The following RNF114 variants were observed in gnomAD, a reference collection of about 807,000 sequenced individuals.
RNF114 encodes ring finger protein 114.
In RNF114, 6 loss-of-function variants were observed where a neutral mutation model predicts 28.4. That is an observed-to-expected ratio of 0.21 (90% CI 0.12 to 0.42). RNF114 has a LOEUF of 0.42. Ranked by LOEUF, RNF114 falls within the 10% of genes least tolerant of loss-of-function variation. The probability of loss-of-function intolerance (pLI) is 1.00; values close to 1 mark genes in which losing one functional copy is unlikely to be tolerated. For missense variants in RNF114, 249 were observed against 311.7 expected, an observed-to-expected ratio of 0.80 and a Z score of 1.51; for synonymous variants, 115 against 116.7, an observed-to-expected ratio of 0.99 and a Z score of 0.09.
chr20:49,943,898 A>ATATATATG, intron 2 of RNF114: 1 of 142,752 alleles, frequency 7.0e-6, no homozygotes, highest in African/African-American at 2.6e-5. Context: ...ATATATATAT[A>ATATATATG]TTTGTATTTT....
Position 49,952,058 on chromosome 20 carries a change from G to A in RNF114, c.622-18G>A. On this transcript the variant is annotated intron_variant, in intron 5 of 5. Transcript: ENST00000244061. Reference sequence around the variant, plus strand: ...CTAGAAACAGTTGCTGAGGCTGCATGTCTCTTTTTGCCCTTAGGATTATGA... The same window carrying A: ...CTAGAAACAGTTGCTGAGGCTGCATATCTCTTTTTGCCCTTAGGATTATGA... 1 of 1,607,048 alleles carries A rather than the reference G, an allele frequency of 6.2e-7. No individual in the cohort carries two copies. Among genetic ancestry groups the A allele is most frequent in the Non-Finnish European group, 8.5e-7 (1 of 1,173,970 alleles).
intron 4 of RNF114, among the ~76,000 whole-genome samples, chr20:49,947,809 T>TTTTTTTTG (rs2090339739): frequency 1.0e-5 from 1 of 100,162 alleles, no homozygotes; most frequent in East Asian, 3.4e-4. Context: ...TTTTTTTTTT[T>TTTTTTTTG]GAGGCGGAGT....
intron 1 of RNF114, among the ~76,000 whole-genome samples, chr20:49,938,195 T>C (rs1434161530): frequency 6.6e-6 from 1 of 152,204 alleles, no homozygotes; most frequent in African/African-American, 2.4e-5. Context: ...CTATTAACAT[T>C]TGTAAAAAGG....
chr20:49,945,186 A>G, intron 2 of RNF114, 196 bp from the exon 3 acceptor site: 1 of 515,936 alleles, frequency 1.9e-6, no homozygotes, highest in Non-Finnish European at 3.5e-6. Flanking sequence ...ATTTAGTCGA[A>G]TAAAATAGCA....
intron 4 of RNF114, among the ~76,000 whole-genome samples, chr20:49,948,901 C>G (rs2090345385): frequency 6.6e-6 from 1 of 152,186 alleles, no homozygotes; most frequent in Non-Finnish European, 1.5e-5. Context: ...GGACATTGCT[C>G]ATCGGCTTAT....
Position 49,936,402 on chromosome 20 carries a change from G to A in RNF114, c.-11G>A. The A allele has an allele frequency of 6.7e-7, 1 of 1,497,898 alleles. No individual in the cohort carries two copies. The highest frequency in any genetic ancestry group is 8.9e-7 in the Non-Finnish European group (1 of 1,123,072). 92.8% of individuals were successfully genotyped at this position (1,497,898 alleles called of 1,614,324 possible). ...ATCGGCCGCCGTTGCGCGGCGCAGA[G>A]CGGCAGCAAGATGGCGGCGCAACAG... On this transcript the variant is annotated 5_prime_UTR_variant, in exon 1 of 6. Coordinates refer to ENST00000244061, the MANE Select transcript of RNF114 (RefSeq NM_018683.4).
In RNF114 at chr20:49,936,432, A is replaced by G. The variant is rs926602857; in HGVS notation, c.20A>G (p.Asp7Gly). 2 of 1,530,692 alleles carry G rather than the reference A, an allele frequency of 1.3e-6. No individual in the cohort carries two copies. Among genetic ancestry groups the G allele is most frequent in the African/African-American group, 1.4e-5 (1 of 70,510 alleles). 94.8% of individuals were successfully genotyped at this position (1,530,692 alleles called of 1,614,324 possible). The change falls in exon 1 of 6, where the codon GAC (aspartate) becomes GGC (glycine). Residue 7 changes from aspartate to glycine, a missense_variant. Around this residue, in one of 2 missense-constraint regions of RNF114, gnomAD observed 123 missense variants for 106.4 expected, o/e 1.16. Transcript: ENST00000244061. ...AGCAAGATGGCGGCGCAACAGCGGG[A>G]CTGCGGGGGTGCTGCGCAGCTGGCG... is the stretch of plus-strand genomic sequence containing the variant. MAAQQRDCGGAAQLAGP... is the reference protein window; with the variant it reads MAAQQRGCGGAAQLAGP...
In RNF114 at chr20:49,952,212, C is replaced by T; in HGVS notation, c.*71C>T. On this transcript the variant is annotated 3_prime_UTR_variant, in exon 6 of 6. Coordinates refer to ENST00000244061, the MANE Select transcript of RNF114 (RefSeq NM_018683.4). Reference sequence around the variant, plus strand: ...TACATATTAAACGTGAAATCTATGACTCCTGTACCTTACCTGTTCAACAGA... The same window carrying T: ...TACATATTAAACGTGAAATCTATGATTCCTGTACCTTACCTGTTCAACAGA... The T allele has an allele frequency of 7.6e-7, 1 of 1,309,774 alleles. No homozygotes were observed. The highest frequency in any genetic ancestry group is 1.1e-6 in the Non-Finnish European group (1 of 902,612). 81.1% of individuals were successfully genotyped at this position (1,309,774 alleles called of 1,614,324 possible). A position where few individuals can be genotyped will look rare whatever the true frequency, so the allele number is the denominator to read the frequency against.
At chr20:49,946,345 C>A in intron 4 of RNF114, 95 bp downstream of exon 4, 1 of 630,064 alleles carries the variant, frequency 1.6e-6, no homozygotes, top group South Asian at 2.0e-5. Context: ...CTCCTGTGTG[C>A]CCTTCACCTA....
At chr20:49,938,006 G>T (rs1193044654) in intron 1 of RNF114, among the ~76,000 whole-genome samples, 1 of 152,172 alleles carries the variant, frequency 6.6e-6, no homozygotes, top group Non-Finnish European at 1.5e-5. Flanking sequence ...AAGTGGGAGG[G>T]TATTTCAGGG....
In RNF114 at chr20:49,946,226, C is replaced by T. The variant is rs747017988; in HGVS notation, c.489C>T (p.Phe163=). ...GACTTGTGGAACACTGCAAATTATT[C>T]CATAGCACGGATACCAAATCTGTGG... ...QEGLVEHCKL[F]HSTDTKSVVC... The change falls in exon 4 of 6, where the codon TTC becomes TTT. Residue 163 remains phenylalanine, a synonymous_variant. Transcript: ENST00000244061. 3 of 1,595,438 alleles carry T rather than the reference C, an allele frequency of 1.9e-6. No homozygotes were observed. The highest frequency in any genetic ancestry group is 2.6e-6 in the Non-Finnish European group (3 of 1,167,164).
At chr20:49,937,768 C>G (rs1183347734) in intron 1 of RNF114, among the ~76,000 whole-genome samples, 1 of 152,060 alleles carries the variant, frequency 6.6e-6, no homozygotes, top group Non-Finnish European at 1.5e-5. Context: ...ATCTAAATTA[C>G]TTCCCCCACT....
intron 4 of RNF114, among the ~76,000 whole-genome samples, chr20:49,948,529 C>T (rs2090343961): frequency 6.6e-6 from 1 of 151,776 alleles, no homozygotes; most frequent in African/African-American, 2.4e-5. Context: ...CCTCCACTTC[C>T]AGGGTTCAAG....
chr20:49,939,669 C>T (rs1600868001), intron 1 of RNF114, among the ~76,000 whole-genome samples: 2 of 152,148 alleles, frequency 1.3e-5, no homozygotes, highest in African/African-American at 2.4e-5. Context: ...AATTCATCCC[C>T]TGCTGCTTCA....
At position 49,952,312 on chromosome 20, in the gene RNF114, T is replaced by C; in HGVS notation, c.*171T>C. On this transcript the variant is annotated 3_prime_UTR_variant, in exon 6 of 6. Coordinates refer to ENST00000244061, the MANE Select transcript of RNF114 (RefSeq NM_018683.4). ...GTGGGTCCCCAGGTCAGCCCTTCTC[T>C]TCCCTTTGGGCTCTTGCCAAAGCTG... The C allele has an allele frequency of 1.6e-6, 1 of 631,694 alleles. No individual in the cohort carries two copies. The highest frequency in any genetic ancestry group is 2.9e-6 in the Non-Finnish European group (1 of 343,996). The allele number at this position is 631,694 out of a possible 1,614,324, so 39.1% of individuals were successfully genotyped here. A position where few individuals can be genotyped will look rare whatever the true frequency, so the allele number is the denominator to read the frequency against.
chr20:49,946,456 A>G (rs551988216), intron 4 of RNF114, among the ~76,000 whole-genome samples: 1 of 152,092 alleles, frequency 6.6e-6, no homozygotes, highest in African/African-American at 2.4e-5. Flanking sequence ...TACCATGACC[A>G]TTTTTGCACC....
chr20:49,946,890 A>T (rs550292052), intron 4 of RNF114, among the ~76,000 whole-genome samples: 1 of 151,554 alleles, frequency 6.6e-6, no homozygotes, highest in Non-Finnish European at 1.5e-5. Flanking sequence ...TTTTACTCAG[A>T]TATTACCTAC....
chr20:49,943,857 C>CAT (rs1491413518), intron 2 of RNF114: 62 of 109,758 alleles, frequency 5.6e-4, no homozygotes, highest in African/African-American at 2.1e-3. Flanking sequence ...CACACACACA[C>CAT]ATACATACAC....
At position 49,947,769 on chromosome 20, in the gene RNF114, G is replaced by GTTTTTTTTTTTTTTTTTTTTTT. The variant is rs71190519; in HGVS notation, c.514-1460_514-1439dup. 1.4e-4 allele frequency among the ~76,000 whole-genome samples: 7 copies of GTTTTTTTTTTTTTTTTTTTTTT among 50,476 alleles called. 1 individual carries two copies. Among genetic ancestry groups the GTTTTTTTTTTTTTTTTTTTTTT allele is most frequent in the Non-Finnish European group, 1.7e-4 (5 of 28,800 alleles). 33.1% of individuals were successfully genotyped at this position (50,476 alleles called of 152,430 possible). A position where few individuals can be genotyped will look rare whatever the true frequency, so the allele number is the denominator to read the frequency against. On this transcript the variant is annotated intron_variant, in intron 4 of 5. Coordinates refer to ENST00000244061, the MANE Select transcript of RNF114 (RefSeq NM_018683.4). ...GTTCTGTCTTCCTCTCCCTCTGCAA[G>GTTTTTTTTTTTTTTTTTTTTTT]TTTTTTTTTTTTTTTTTTTTTTTTT... is the stretch of plus-strand genomic sequence containing the variant.
Sources: allele counts gnomAD v4.1 joint callset (sites outside exome capture counted in the v4.1 genomes callset), GRCh38; gene constraint gnomAD v4.1.1; regional missense constraint gnomAD v4.1.1; transcripts MANE v1.5; gene names NCBI Gene and HGNC (gene_info 2026-07-23, HGNC 2026-07-21).